Variants in NTM observed in about 807,000 individuals in gnomAD.
The protein encoded by NTM is neurotrimin.
A neutral mutation model predicts 42.1 loss-of-function variants in NTM; 13 were observed. That is an observed-to-expected ratio of 0.31 (90% CI 0.20 to 0.49). The LOEUF (loss-of-function observed/expected upper bound fraction) is 0.49. Ranked by LOEUF, NTM falls within the 20% of genes least tolerant of loss-of-function variation. The pLI is 0.99. For synonymous variants in NTM, 187 were observed against 179.2 expected (o/e 1.04, Z -0.35); for missense variants, 373 against 452.8 (o/e 0.82, Z 1.60).
At chr11:132,067,634 A>T (rs1483850683) in intron 2 of NTM, among the ~76,000 whole-genome samples, 2 of 152,208 alleles carry the variant, frequency 1.3e-5, no homozygotes, top group Non-Finnish European at 2.9e-5. Flanking sequence ...GGTTACCCAG[A>T]CCCAGGCACC....
At chr11:131,989,005 G>A (rs2066554402) in intron 2 of NTM, among the ~76,000 whole-genome samples, 2 of 151,964 alleles carry the variant, frequency 1.3e-5, no homozygotes, top group South Asian at 4.2e-4. Flanking sequence ...AGCTATAGTG[G>A]GTCCATAACC....
intron 2 of NTM, among the ~76,000 whole-genome samples, chr11:132,058,623 A>C (rs1048166807): frequency 5.3e-5 from 8 of 152,102 alleles, no homozygotes; most frequent in African/African-American, 1.9e-4. Context: ...TATTCTTAGT[A>C]TGTTTCTCTT....
At chr11:131,647,514 G>A (rs757532418) in intron 1 of NTM, among the ~76,000 whole-genome samples, 1 of 152,182 alleles carries the variant, frequency 6.6e-6, no homozygotes, top group Non-Finnish European at 1.5e-5. Context: ...AGAAAAACTT[G>A]GGGGTGTGTG....
intron 1 of NTM, among the ~76,000 whole-genome samples, chr11:131,834,740 C>T (rs1026319525): frequency 6.6e-6 from 1 of 151,432 alleles, no homozygotes; most frequent in African/African-American, 2.4e-5. Flanking sequence ...TGTCACTAAA[C>T]ACAGTTCACA....
intron 2 of NTM, among the ~76,000 whole-genome samples, chr11:132,104,805 T>G (rs989343569): frequency 6.7e-6 from 1 of 149,400 alleles, no homozygotes; most frequent in African/African-American, 2.5e-5. Flanking sequence ...CCTAGGAGGC[T>G]GAGGCAGGAA....
At chr11:131,662,337 A>G (rs1592420071) in intron 1 of NTM, 1 of 152,270 alleles carries the variant, frequency 6.6e-6, no homozygotes, top group East Asian at 1.9e-4. Flanking sequence ...GTGGTCTTTC[A>G]TTTCCTCCGA....
intron 1 of NTM, among the ~76,000 whole-genome samples, chr11:131,682,789 C>G (rs185421882): frequency 4.6e-5 from 7 of 152,142 alleles, no homozygotes; most frequent in African/African-American, 1.7e-4. Flanking sequence ...TGCTGGATCC[C>G]CTTTGGCTCC....
intron 1 of NTM, among the ~76,000 whole-genome samples, chr11:131,629,532 C>T (rs922548831): frequency 6.6e-6 from 1 of 152,120 alleles, no homozygotes; most frequent in Non-Finnish European, 1.5e-5. Context: ...AATTGGCTGG[C>T]TGGGGAGAAT....
At chr11:132,327,734 G>T (rs1050053902) in intron 7 of NTM, among the ~76,000 whole-genome samples, 2 of 151,956 alleles carry the variant, frequency 1.3e-5, no homozygotes, top group South Asian at 4.2e-4. Flanking sequence ...GGGATGGGAG[G>T]GTTCTTTTTA....
intron 4 of NTM, among the ~76,000 whole-genome samples, chr11:132,233,897 GC>G (rs2088185001): frequency 6.6e-6 from 1 of 152,156 alleles, no homozygotes; most frequent in Non-Finnish European, 1.5e-5. Context: ...TCCAAATGAT[GC>G]CCACTTCTCT....
At position 131,492,613 on chromosome 11, in the gene NTM, C is replaced by T. The variant is rs568002193; in HGVS notation, c.82+121725C>T. On this transcript the variant is annotated intron_variant, in intron 1 of 8. Coordinates refer to ENST00000683400, the MANE Select transcript of NTM (RefSeq NM_001352005.2). ...TGCTAAATCCCACACAGGACTTGGC[C>T]CTTCCGATGCTAGGGGAACAGAAGA... Among the ~76,000 whole-genome samples the T allele has an allele frequency of 2.6e-5, 4 of 152,212 alleles. No homozygotes were observed. The South Asian group carries it at 6.2e-4, about 24-fold the overall frequency.
chr11:131,465,803 G>A (rs925185536), intron 1 of NTM, among the ~76,000 whole-genome samples: 1 of 140,092 alleles, frequency 7.1e-6, no homozygotes, highest in Non-Finnish European at 1.5e-5. Flanking sequence ...AGGGCCATGT[G>A]GCAGGAATTA....
At chr11:131,971,474 G>A (rs1305425187) in intron 2 of NTM, among the ~76,000 whole-genome samples, 1 of 152,070 alleles carries the variant, frequency 6.6e-6, no homozygotes, top group Non-Finnish European at 1.5e-5. Context: ...CTTCTCAGTT[G>A]CAGATATTGA....
chr11:131,447,854 T>G (rs1950179987), intron 1 of NTM, among the ~76,000 whole-genome samples: 1 of 152,220 alleles, frequency 6.6e-6, no homozygotes, highest in South Asian at 2.1e-4. Context: ...GCCGCCATCA[T>G]GCACCGCAGA....
intron 4 of NTM, among the ~76,000 whole-genome samples, chr11:132,283,541 T>C (rs1290043587): frequency 6.6e-6 from 1 of 152,128 alleles, no homozygotes; most frequent in Non-Finnish European, 1.5e-5. Context: ...ATGTGCAAAA[T>C]GTGATGCCTA....
chr11:132,002,096 G>T lies in NTM; in HGVS notation c.167+90448G>T, dbSNP rs767240245. Among the ~76,000 whole-genome samples, 53 of 152,194 alleles carry T rather than the reference G, an allele frequency of 3.5e-4. No homozygotes were observed. The highest frequency in any genetic ancestry group is 6.0e-4 in the Non-Finnish European group (41 of 68,040). Reference sequence around the variant, plus strand: ...CTCACAGGGGTGGAGAGTTGATGCTGTCCATGGCAACCGGGGCTGGAAATT... The same window carrying T: ...CTCACAGGGGTGGAGAGTTGATGCTTTCCATGGCAACCGGGGCTGGAAATT... On this transcript the variant is annotated intron_variant, in intron 2 of 8. Transcript: ENST00000683400. The surrounding 1 kb of genome is among the most constrained non-coding windows in gnomAD (Gnocchi z 4.5).
Position 132,335,339 on chromosome 11 carries a change from T to G in NTM, c.*193T>G. 1.6e-6 allele frequency: 1 copy of G among 626,390 alleles called. No individual in the cohort carries two copies. Among genetic ancestry groups the G allele is most frequent in the Non-Finnish European group, 2.7e-6 (1 of 371,406 alleles). 38.8% of individuals were successfully genotyped at this position (626,390 alleles called of 1,614,324 possible). On this transcript the variant is annotated 3_prime_UTR_variant, in exon 9 of 9. Coordinates refer to ENST00000683400, the MANE Select transcript of NTM (RefSeq NM_001352005.2). ...GGGAAAAAAGTTTTAAAAAAGAAAT[T>G]GAAAATTGCCTTGCAGATATTTAGG... is the stretch of plus-strand genomic sequence containing the variant.
At chr11:131,666,422 G>A (rs1194130519) in intron 1 of NTM, among the ~76,000 whole-genome samples, 1 of 152,162 alleles carries the variant, frequency 6.6e-6, no homozygotes, top group Non-Finnish European at 1.5e-5. Flanking sequence ...TCACTGAGGA[G>A]GAGATCATTG....
In NTM at chr11:131,620,357, A is replaced by G. The variant is rs79501982; in HGVS notation, c.82+249469A>G. ...CCTACCTCTTCCCATCTCCCTTCCT[A>G]TTCACTACTCATGAGGCAGAATGAT... is the stretch of plus-strand genomic sequence containing the variant. On this transcript the variant is annotated intron_variant, in intron 1 of 8. Transcript: ENST00000683400. 4.1e-3 allele frequency among the ~76,000 whole-genome samples: 620 copies of G among 152,048 alleles called. 11 individuals carry two copies. Among genetic ancestry groups the G allele is most frequent in the African/African-American group, 0.015 (606 of 41,452 alleles).
Sources: allele counts gnomAD v4.1 joint callset (sites outside exome capture counted in the v4.1 genomes callset), GRCh38; gene constraint gnomAD v4.1.1; non-coding constraint Gnocchi (gnomAD v3.1); transcripts MANE v1.5; gene names NCBI Gene and HGNC (gene_info 2026-07-23, HGNC 2026-07-21).